PZP: variants seen among roughly 807,000 people sequenced by gnomAD.
PZP encodes pregnancy zone protein.
Under a neutral mutation model 179.8 loss-of-function variants are expected in PZP, and 150 were observed. The observed-to-expected ratio is 0.83, with a 90% CI of 0.73 to 0.96. PZP has a LOEUF of 0.96. PZP is among the 40% of genes least tolerant of loss of function. The pLI, the probability that PZP is intolerant of heterozygous loss-of-function variation, is 0.00. For synonymous variants in PZP, 624 were observed against 652.3 expected (o/e 0.96, Z 0.66); for missense variants, 1,689 against 1,764.0 (o/e 0.96, Z 0.76).
intron 23 of PZP, 140 bp from the exon 24 acceptor site, chr12:9,160,630 T>C: frequency 1.3e-6 from 1 of 798,844 alleles, no homozygotes; most frequent in South Asian, 1.8e-5. Flanking sequence ...ACTTCCAGAA[T>C]CCTAATAAGA....
chr12:9,200,306 AT>A, intron 7 of PZP, 57 bp downstream of exon 7: 1 of 1,225,166 alleles, frequency 8.2e-7, no homozygotes, highest in East Asian at 2.4e-5. Context: ...TTGTACCTAC[AT>A]AATCCCTCAA....
At position 9,202,395 on chromosome 12, in the gene PZP, G is replaced by T. The variant is rs778767766; in HGVS notation, c.428-24C>A. 8 of 1,613,980 alleles carry T rather than the reference G, an allele frequency of 5.0e-6. No homozygotes were observed. The Admixed American group carries it at 1.3e-4, about 27-fold the overall frequency. ...TACTGGAAAAGTAGTTCTCCGATAA[G>T]ATTCAGACATGATAAAGCAGGTAAT... On this transcript the variant is annotated intron_variant, in intron 3 of 35. Transcript: ENST00000261336.
intron 25 of PZP, 21 bp from the exon 26 acceptor site, chr12:9,158,597 G>C: frequency 6.2e-7 from 1 of 1,612,498 alleles, no homozygotes. Context: ...GAAAAATGCA[G>C]TGCTGAGGCT....
Position 9,182,015 on chromosome 12 carries a change from T to C in PZP, c.1649A>G (p.Asp550Gly), listed in dbSNP as rs1299393494. The C allele has an allele frequency of 5.6e-6, 9 of 1,613,696 alleles. No homozygotes were observed. The highest frequency in any genetic ancestry group is 7.6e-6 in the Non-Finnish European group (9 of 1,179,876). Reference protein sequence around the residue: ...AILPDGEVVGDSEKFEIENCL... With the variant: ...AILPDGEVVGGSEKFEIENCL... Reference sequence around the variant, plus strand: ...GTTTTCAATCTCAAATTTTTCAGAGTCTCCAACAACTTCTCCATCTGGTAA... The same window carrying C: ...GTTTTCAATCTCAAATTTTTCAGAGCCTCCAACAACTTCTCCATCTGGTAA... The change falls in exon 14 of 36, where the codon GAC (aspartate) becomes GGC (glycine). Residue 550 changes from aspartate (D) to glycine (G), a missense_variant. Physicochemically the swap from Asp to Gly is moderately conservative, Grantham distance 94. This residue lies in a region of PZP where 742 missense variants were observed against 730.5 expected (regional missense o/e 1.02). Transcript: ENST00000261336.
intron 13 of PZP, 117 bp downstream of exon 13, chr12:9,192,076 C>A: frequency 4.9e-6 from 4 of 824,412 alleles, no homozygotes; most frequent in South Asian, 4.8e-5. Flanking sequence ...TATTTTCCTG[C>A]GTGTCCTCCT....
chr12:9,181,969 G>A lies in PZP; in HGVS notation c.1689+6C>T, dbSNP rs375114859. 116 of 1,610,986 alleles carry A rather than the reference G, an allele frequency of 7.2e-5. No individual in the cohort carries two copies. Among genetic ancestry groups the A allele is most frequent in the African/African-American group, 1.3e-4 (10 of 74,714 alleles). The stretch of plus-strand genomic sequence containing the variant: ...TGTTCTTTTAATTTTATGTTAAATC[G>A]CTCACCTTGTTGGCTAGACAGTTTT... On this transcript the variant is annotated splice_donor_region_variant and intron_variant, in intron 14 of 35. Coordinates refer to ENST00000261336, the MANE Select transcript of PZP (RefSeq NM_002864.3).
chr12:9,196,951 A>G, intron 8 of PZP, 61 bp downstream of exon 8: 2 of 1,274,662 alleles, frequency 1.6e-6, no homozygotes, highest in Non-Finnish European at 2.3e-6. Context: ...TCTAGTTAGT[A>G]AAATGGAGTC....
chr12:9,191,141 TAGAG>T (rs775185683), intron 13 of PZP, among the ~76,000 whole-genome samples: 17 of 152,248 alleles, frequency 1.1e-4, no homozygotes, highest in South Asian at 4.1e-4. Flanking sequence ...TTTTACTATA[TAGAG>T]ATTTTCATAC....
Position 9,203,825 on chromosome 12 carries a change from C to A in PZP, c.210G>T (p.Arg70Ser). 6.2e-7 allele frequency: 1 copy of A among 1,614,100 alleles called. No individual in the cohort carries two copies. The highest frequency in any genetic ancestry group is 8.5e-7 in the Non-Finnish European group (1 of 1,179,996). ...SASLESGREN[R>S]SLFTDLVAEK... is the part of the protein sequence containing the mutation. ...CCGCCACCAGGTCAGTGAAGAGGCT[C>A]CTGTTTTCCCTGCCAGACTCCAAGG... Residue 70 changes from arginine (R) to serine (S), a missense_variant, in exon 2 of 36, where the codon AGG (arginine) becomes AGT (serine). Around this residue, in one of 3 missense-constraint regions of PZP, gnomAD observed 742 missense variants for 730.5 expected, o/e 1.02. Coordinates refer to ENST00000261336, the MANE Select transcript of PZP (RefSeq NM_002864.3).
downstream of PZP, among the ~76,000 whole-genome samples, chr12:9,146,488 T>C (rs1940015281): frequency 6.6e-6 from 1 of 152,180 alleles, no homozygotes; most frequent in Non-Finnish European, 1.5e-5. Flanking sequence ...AATCACATAA[T>C]TCCATTTCAT....
At chr12:9,185,969 G>A (rs1943090145) in intron 13 of PZP, among the ~76,000 whole-genome samples, 1 of 151,756 alleles carries the variant, frequency 6.6e-6, no homozygotes, top group East Asian at 1.9e-4. Flanking sequence ...CATCACACCT[G>A]GCTAATTTTT....
At chr12:9,141,871 T>C in the PZP span, among the ~76,000 whole-genome samples, 2 of 152,228 alleles carry the variant, frequency 1.3e-5, no homozygotes, top group Non-Finnish European at 2.9e-5. Flanking sequence ...TATTCCAGCA[T>C]TTAACTCCAT....
At chr12:9,176,364 G>A (rs900570900) in intron 15 of PZP, among the ~76,000 whole-genome samples, 3 of 152,146 alleles carry the variant, frequency 2.0e-5, no homozygotes, top group African/African-American at 7.2e-5. Flanking sequence ...TAATACCTAG[G>A]TGATGGGTTG....
At chr12:9,197,639 ATAT>A (rs1389359411) in intron 7 of PZP, among the ~76,000 whole-genome samples, 2 of 66,334 alleles carry the variant, frequency 3.0e-5, no homozygotes, top group Non-Finnish European at 5.2e-5. Context: ...ATTATATATT[ATAT>A]TATATAATAT....
Position 9,153,321 on chromosome 12 carries a change from G to T in PZP, c.3797C>A (p.Ala1266Asp). Residue 1266 changes from alanine (A) to aspartate (D), a missense_variant, in exon 30 of 36, where the codon GCC becomes GAC. Around this residue, in one of 3 missense-constraint regions of PZP, gnomAD observed 746 missense variants for 749.2 expected, o/e 1.00. Coordinates refer to ENST00000261336, the MANE Select transcript of PZP (RefSeq NM_002864.3). ...STQDTVVALH[A>D]LSRYGAATFT... ...AGTGGCTGCTCCATACCTGGACAGG[G>T]CATGGAGAGCCACCACTGTGTCCTG... 1.2e-6 allele frequency: 2 copies of T among 1,613,658 alleles called. No individual in the cohort carries two copies. Among genetic ancestry groups the T allele is most frequent in the Non-Finnish European group, 8.5e-7 (1 of 1,179,868 alleles).
chr12:9,202,817 A>C, intron 2 of PZP, 133 bp from the exon 3 acceptor site: 2 of 840,144 alleles, frequency 2.4e-6, no homozygotes, highest in Non-Finnish European at 3.6e-6. Context: ...TTCTTCAGAC[A>C]TAAGAGTGAC....
chr12:9,171,537 G>C (rs145117087), intron 15 of PZP, among the ~76,000 whole-genome samples: 33 of 152,282 alleles, frequency 2.2e-4, no homozygotes, highest in Non-Finnish European at 4.3e-4. Flanking sequence ...TTCAGAAAGT[G>C]GATAACAATA....
intron 21 of PZP, among the ~76,000 whole-genome samples, chr12:9,163,338 A>T (rs1941352502): frequency 1.3e-5 from 2 of 151,356 alleles, no homozygotes; most frequent in Admixed American, 6.6e-5. Flanking sequence ...CTGTAGTCCC[A>T]GCTACTCGGG....
At chr12:9,161,559 A>T (rs773660955) in intron 22 of PZP, among the ~76,000 whole-genome samples, 2 of 152,326 alleles carry the variant, frequency 1.3e-5, no homozygotes, top group Non-Finnish European at 2.9e-5. Context: ...CCTAAGACTT[A>T]GTGGGGGAAC....
Sources: allele counts gnomAD v4.1 joint callset (sites outside exome capture counted in the v4.1 genomes callset), GRCh38; gene constraint gnomAD v4.1.1; regional missense constraint gnomAD v4.1.1; transcripts MANE v1.5; gene names NCBI Gene and HGNC (gene_info 2026-07-23, HGNC 2026-07-21).